Variants in CNST observed in about 807,000 individuals in gnomAD.
CNST encodes the protein consortin, connexin sorting protein, also known as consortin.
CNST carries 39 observed loss-of-function variants against 72.4 expected under a neutral mutation model. The observed-to-expected ratio is 0.54, with a 90% CI of 0.42 to 0.70. The LOEUF (loss-of-function observed/expected upper bound fraction) is 0.70, where lower values mean the gene tolerates loss of function less well. Ranked by LOEUF, CNST falls within the 30% of genes least tolerant of loss-of-function variation. The probability of loss-of-function intolerance (pLI) is 0.00; values close to 1 mark genes in which losing one functional copy is unlikely to be tolerated. For synonymous variants in CNST, 332 were observed against 320.1 expected (o/e 1.04, Z -0.40); for missense variants, 871 against 868.5 (o/e 1.00, Z -0.04).
rs558200642 is a variant in CNST, at chr1:246,606,683, C to T, written c.379+14742C>T. ...GCCCAGGTGGCAGGACCGTAATATT[C>T]GATGATCCATTGCGGAGGCCACTCG... On this transcript the variant is annotated intron_variant, in intron 2 of 10. Transcript: ENST00000366513. 1.7e-3 allele frequency: 261 copies of T among 151,306 alleles called. 1 individual carries two copies. The highest frequency in any genetic ancestry group is 5.4e-3 in the African/African-American group (222 of 41,306). The allele number at this position is 151,306 out of a possible 1,614,324, so 9.4% of individuals were successfully genotyped here.
At chr1:246,645,539 T>G (rs2103129194) in intron 8 of CNST, among the ~76,000 whole-genome samples, 1 of 150,100 alleles carries the variant, frequency 6.7e-6, no homozygotes, top group African/African-American at 2.5e-5. Context: ...GCCATTCTCC[T>G]GCCTCAGCCT....
chr1:246,602,391 A>G (rs928085486), intron 2 of CNST, among the ~76,000 whole-genome samples: 3 of 152,156 alleles, frequency 2.0e-5, no homozygotes, highest in Admixed American at 1.3e-4. Context: ...GGCCAGGGCT[A>G]TAGTCATCTC....
chr1:246,599,904 G>A (rs746873109), intron 2 of CNST, among the ~76,000 whole-genome samples: 1 of 152,154 alleles, frequency 6.6e-6, no homozygotes, highest in Non-Finnish European at 1.5e-5. Flanking sequence ...TAAAACTGCT[G>A]GTGCACCTCC....
intron 3 of CNST, among the ~76,000 whole-genome samples, chr1:246,626,919 A>T (rs1411760616): frequency 1.3e-5 from 2 of 152,142 alleles, no homozygotes; most frequent in Non-Finnish European, 1.5e-5. Flanking sequence ...TCGTCCCTCT[A>T]GTTGCTGAGA....
intron 10 of CNST, among the ~76,000 whole-genome samples, chr1:246,662,606 G>A (rs1667160100): frequency 1.3e-5 from 2 of 152,156 alleles, no homozygotes; most frequent in Admixed American, 1.3e-4. Flanking sequence ...GGCCAGGCTG[G>A]TCTCGAACTC....
chr1:246,618,811 G>A (rs964188754), intron 2 of CNST, among the ~76,000 whole-genome samples: 1 of 152,102 alleles, frequency 6.6e-6, no homozygotes, highest in African/African-American at 2.4e-5. Context: ...ATTACAAATC[G>A]ATGCTAACTA....
In CNST at chr1:246,665,908, G is replaced by C; in HGVS notation, c.*3G>C. Reference sequence around the variant, plus strand: ...AGCACTGGATCTACCTCTCCTAGCAGCATTCCAGACACAGACATGCTGGCA... The same window carrying C: ...AGCACTGGATCTACCTCTCCTAGCACCATTCCAGACACAGACATGCTGGCA... On this transcript the variant is annotated 3_prime_UTR_variant, in exon 11 of 11. Transcript: ENST00000366513. 6.3e-7 allele frequency: 1 copy of C among 1,597,746 alleles called. No homozygotes were observed. Among genetic ancestry groups the C allele is most frequent in the Non-Finnish European group, 8.6e-7 (1 of 1,166,220 alleles).
At chr1:246,642,444 A>G (rs757438674) in intron 8 of CNST, among the ~76,000 whole-genome samples, 15 of 152,042 alleles carry the variant, frequency 9.9e-5, no homozygotes, top group Non-Finnish European at 1.5e-4. Context: ...TTGTTCTGTA[A>G]ATTTAGATAT....
At chr1:246,628,444 T>C (rs1029374996) in intron 3 of CNST, among the ~76,000 whole-genome samples, 1 of 152,208 alleles carries the variant, frequency 6.6e-6, no homozygotes, top group Non-Finnish European at 1.5e-5. Context: ...TATAGAATAA[T>C]ATGTGCTAAA....
chr1:246,595,405 A>G (rs887901936), intron 2 of CNST, among the ~76,000 whole-genome samples: 5 of 152,126 alleles, frequency 3.3e-5, no homozygotes, highest in African/African-American at 1.2e-4. Flanking sequence ...GTTTCTCTCC[A>G]TCTTCACTGC....
intron 1 of CNST, among the ~76,000 whole-genome samples, chr1:246,577,189 A>C (rs1031540765): frequency 2.6e-5 from 4 of 152,052 alleles, no homozygotes; most frequent in Admixed American, 6.5e-5. Context: ...TGTGATTAAA[A>C]ATGTTCTTCA....
chr1:246,585,209 G>T (rs1301248254), intron 1 of CNST, among the ~76,000 whole-genome samples: 5 of 152,162 alleles, frequency 3.3e-5, no homozygotes, highest in Admixed American at 3.3e-4. Flanking sequence ...CTGTGAGCCT[G>T]CTCAACACTC....
At chr1:246,580,044 T>C (rs1660685908) in intron 1 of CNST, among the ~76,000 whole-genome samples, 1 of 152,200 alleles carries the variant, frequency 6.6e-6, no homozygotes, top group African/African-American at 2.4e-5. Flanking sequence ...TACTGCTCTG[T>C]CTTATCTCTA....
Position 246,647,333 on chromosome 1 carries a change from T to C in CNST, c.1132T>C (p.Ser378Pro), listed in dbSNP as rs988965564. ...EATLALHTQS[S>P]ETAGSPSGPD... The stretch of plus-strand genomic sequence containing the variant: ...CACGTTAGCGCTCCACACCCAGTCC[T>C]CCGAGACAGCAGGGAGCCCGTCTGG... Residue 378 changes from serine to proline, a missense_variant, in exon 9 of 11, where the codon TCC becomes CCC. Ser to Pro is a moderately conservative substitution (Grantham distance 74). Transcript: ENST00000366513. The C allele has an allele frequency of 1.9e-6, 3 of 1,614,122 alleles. No individual in the cohort carries two copies. Among genetic ancestry groups the C allele is most frequent in the East Asian group, 4.5e-5 (2 of 44,878 alleles).
At chr1:246,578,550 A>C (rs549166948) in intron 1 of CNST, among the ~76,000 whole-genome samples, 1 of 152,220 alleles carries the variant, frequency 6.6e-6, no homozygotes, top group Non-Finnish European at 1.5e-5. Flanking sequence ...ACGTGCCTGT[A>C]GTCCCAGCTA....
chr1:246,629,961 A>C (rs1664674084), intron 3 of CNST, among the ~76,000 whole-genome samples: 1 of 152,190 alleles, frequency 6.6e-6, no homozygotes, highest in Non-Finnish European at 1.5e-5. Context: ...CGAACTCCTG[A>C]ACTCAAATTA....
chr1:246,605,443 C>G (rs1662658174), intron 2 of CNST, among the ~76,000 whole-genome samples: 1 of 152,336 alleles, frequency 6.6e-6, no homozygotes, highest in East Asian at 1.9e-4. Context: ...ACCCCGGGAG[C>G]GCGCCAACAG....
chr1:246,625,751 A>C (rs1301925875), intron 3 of CNST, among the ~76,000 whole-genome samples: 1 of 152,074 alleles, frequency 6.6e-6, no homozygotes, highest in African/African-American at 2.4e-5. Context: ...ATTCAGGTTA[A>C]ACATTCTGGG....
At chr1:246,584,612 A>G (rs536487596) in intron 1 of CNST, among the ~76,000 whole-genome samples, 61 of 152,280 alleles carry the variant, frequency 4.0e-4, no homozygotes, top group Non-Finnish European at 5.9e-5. Context: ...GATGAGATTG[A>G]TTTGAAGACA....
Sources: gnomAD v4.1 joint callset for allele counts (sites outside exome capture counted in the v4.1 genomes callset) on GRCh38, gnomAD v4.1.1 for gene constraint, MANE v1.5 for transcripts, NCBI Gene and HGNC (gene_info 2026-07-23, HGNC 2026-07-21) for gene names.